GMCL1: variants seen among roughly 807,000 people sequenced by gnomAD.
The protein encoded by GMCL1 is germ cell-less protein-like 1.
Under a neutral mutation model 75.5 loss-of-function variants are expected in GMCL1, and 54 were observed. That is an observed-to-expected ratio of 0.71 (90% confidence interval 0.57 to 0.90). The LOEUF (loss-of-function observed/expected upper bound fraction) is 0.90. Ranked by LOEUF, GMCL1 falls within the 40% of genes least tolerant of loss-of-function variation. The pLI, the probability that GMCL1 is intolerant of heterozygous loss-of-function variation, is 0.00. For synonymous variants in GMCL1, 210 were observed against 209.6 expected (o/e 1.00, Z -0.02); for missense variants, 537 against 622.7 (o/e 0.86, Z 1.47).
chr2:69,864,097 CTG>C (rs1235140160), intron 10 of GMCL1, among the ~76,000 whole-genome samples: 2 of 151,992 alleles, frequency 1.3e-5, no homozygotes, highest in South Asian at 2.1e-4. Flanking sequence ...TTATAATTAA[CTG>C]TAGTATAATT....
In GMCL1 at chr2:69,830,113, AG is replaced by A; in HGVS notation, c.226del (p.Asp76ThrfsTer15). The A allele has an allele frequency of 1.9e-6, 3 of 1,578,458 alleles. No homozygotes were observed. Among genetic ancestry groups the A allele is most frequent in the Non-Finnish European group, 2.6e-6 (3 of 1,161,752 alleles). On this transcript the variant is annotated frameshift_variant, in exon 1 of 14. Coordinates refer to ENST00000282570, the MANE Select transcript of GMCL1 (RefSeq NM_178439.5). LOFTEE classifies it high-confidence loss of function. ...PDSETDEDEE[E>X]GDEQQRLLNT... is the part of the protein sequence containing the mutation. ...TCGGAGACGGACGAGGATGAGGAGG[AG>A]GGGGACGAGCAGCAGCGGCTCCTCA...
At chr2:69,862,437 C>G (rs982060947) in intron 10 of GMCL1, among the ~76,000 whole-genome samples, 1 of 151,746 alleles carries the variant, frequency 6.6e-6, no homozygotes, top group Non-Finnish European at 1.5e-5. Context: ...AAACATATTC[C>G]CAGTATATTT....
intron 10 of GMCL1, among the ~76,000 whole-genome samples, chr2:69,861,614 T>A (rs1675649958): frequency 6.6e-6 from 1 of 152,248 alleles, no homozygotes; most frequent in Middle Eastern, 3.2e-3. Flanking sequence ...TTTGTTTCAC[T>A]TAGTATCATA....
intron 10 of GMCL1, 60 bp downstream of exon 10, chr2:69,861,407 C>A: frequency 2.0e-6 from 2 of 1,008,370 alleles, no homozygotes; most frequent in South Asian, 1.5e-5. Context: ...TTTTTTAATG[C>A]ATTCATTATG....
chr2:69,878,329 G>C (rs1676182900), intron 13 of GMCL1, among the ~76,000 whole-genome samples: 1 of 152,100 alleles, frequency 6.6e-6, no homozygotes. Flanking sequence ...GTACCCAACG[G>C]CCATCAGTAA....
chr2:69,831,151 T>A (rs1674659843), intron 1 of GMCL1, among the ~76,000 whole-genome samples: 1 of 152,142 alleles, frequency 6.6e-6, no homozygotes, highest in African/African-American at 2.4e-5. Context: ...ATTCCCGACC[T>A]CAGGTGATCT....
chr2:69,863,212 C>A (rs1171934744), intron 10 of GMCL1, among the ~76,000 whole-genome samples: 1 of 152,184 alleles, frequency 6.6e-6, no homozygotes, highest in Non-Finnish European at 1.5e-5. Flanking sequence ...GATTTCACAT[C>A]CTACAAATAC....
At chr2:69,833,524 G>A (rs1674732852) in intron 1 of GMCL1, among the ~76,000 whole-genome samples, 1 of 152,230 alleles carries the variant, frequency 6.6e-6, no homozygotes. Context: ...GCTGAGGCAG[G>A]AGAATTACCT....
chr2:69,840,713 G>A (rs1452066689), intron 3 of GMCL1, among the ~76,000 whole-genome samples: 1 of 152,174 alleles, frequency 6.6e-6, no homozygotes, highest in Non-Finnish European at 1.5e-5. Flanking sequence ...GAAGAATGCA[G>A]CTAGATTTGG....
At chr2:69,833,089 A>G (rs1231683442) in intron 1 of GMCL1, among the ~76,000 whole-genome samples, 1 of 152,222 alleles carries the variant, frequency 6.6e-6, no homozygotes, top group Non-Finnish European at 1.5e-5. Context: ...GACACTGCCT[A>G]CTAGGATGCC....
intron 4 of GMCL1, 82 bp downstream of exon 4, chr2:69,841,121 C>A: frequency 2.3e-6 from 2 of 851,434 alleles, no homozygotes; most frequent in East Asian, 2.8e-5. Flanking sequence ...AAAAATAAAG[C>A]TTAGCTTTTT....
chr2:69,860,588 A>G (rs1675612011), intron 9 of GMCL1, among the ~76,000 whole-genome samples: 1 of 152,170 alleles, frequency 6.6e-6, no homozygotes. Context: ...TTCTGTCAGA[A>G]CTTCTGTAAA....
At chr2:69,859,080 A>T (rs540764014) in intron 9 of GMCL1, among the ~76,000 whole-genome samples, 1 of 140,206 alleles carries the variant, frequency 7.1e-6, no homozygotes, top group Admixed American at 8.2e-5. Context: ...TGGGAGGTGG[A>T]GGTTGCTGTG....
rs200993944 is a variant in GMCL1 at position 69,830,066 on chromosome 2, C to T, written c.174C>T (p.Ser58=). ...GSHKRKRSSG[S]FCYCHPDSET... is the part of the protein sequence containing the mutation. Reference sequence around the variant, plus strand: ...ACAAGCGCAAGCGGAGCAGCGGGTCCTTCTGCTACTGTCACCCTGACTCGG... The same window carrying T: ...ACAAGCGCAAGCGGAGCAGCGGGTCTTTCTGCTACTGTCACCCTGACTCGG... Residue 58 remains serine (S), a synonymous_variant, in exon 1 of 14, where the codon TCC becomes TCT. Coordinates refer to ENST00000282570, the MANE Select transcript of GMCL1 (RefSeq NM_178439.5). The T allele has an allele frequency of 2.5e-6, 4 of 1,572,044 alleles. No individual in the cohort carries two copies. The highest frequency in any genetic ancestry group is 3.5e-6 in the Non-Finnish European group (4 of 1,158,060).
chr2:69,859,029 C>T (rs1675561363), intron 9 of GMCL1, among the ~76,000 whole-genome samples: 1 of 151,664 alleles, frequency 6.6e-6, no homozygotes, highest in Non-Finnish European at 1.5e-5. Flanking sequence ...GCCTGTAATC[C>T]CAGCTACTCG....
At chr2:69,863,421 A>C (rs951503498) in intron 10 of GMCL1, among the ~76,000 whole-genome samples, 2 of 152,198 alleles carry the variant, frequency 1.3e-5, no homozygotes, top group Non-Finnish European at 2.9e-5. Flanking sequence ...GCTAGGTTAT[A>C]ATCTGGTGTC....
chr2:69,870,020 A>G (rs934567981), intron 12 of GMCL1, among the ~76,000 whole-genome samples, 156 bp downstream of exon 12: 1 of 149,452 alleles, frequency 6.7e-6, no homozygotes, highest in Non-Finnish European at 1.5e-5. Context: ...TGTGAAATCT[A>G]TTGTTAGTAA....
At chr2:69,872,286 T>G (rs1335717477) in intron 13 of GMCL1, among the ~76,000 whole-genome samples, 6 of 152,186 alleles carry the variant, frequency 3.9e-5, no homozygotes, top group Non-Finnish European at 7.4e-5. Context: ...GATGGCAAAC[T>G]CTGCAATGTT....
intron 4 of GMCL1, 170 bp from the exon 5 acceptor site, chr2:69,842,979 A>G (rs906589020): frequency 7.8e-5 from 30 of 384,938 alleles, no homozygotes; most frequent in Non-Finnish European, 1.2e-4. Context: ...CAGTATTTTT[A>G]TTGGACTTGT....
Sources: allele counts gnomAD v4.1 joint callset (sites outside exome capture counted in the v4.1 genomes callset), GRCh38; gene constraint gnomAD v4.1.1; transcripts MANE v1.5; gene names NCBI Gene and HGNC (gene_info 2026-07-23, HGNC 2026-07-21).